Variants in KIAA2013 observed in about 807,000 individuals in gnomAD.
The protein encoded by KIAA2013 is KIAA2013, also known as uncharacterized protein KIAA2013.
In KIAA2013, 20 loss-of-function variants were observed where a neutral mutation model predicts 39.9. The ratio of observed to expected loss-of-function variants is 0.50; its 90% CI spans 0.35 to 0.73. The LOEUF (loss-of-function observed/expected upper bound fraction) is 0.73. Ranked by LOEUF, KIAA2013 falls within the 30% of genes least tolerant of loss-of-function variation. The pLI, the probability that KIAA2013 is intolerant of heterozygous loss-of-function variation, is 0.01. For synonymous variants in KIAA2013, 336 were observed against 416.6 expected (o/e 0.81, Z 2.35); for missense variants, 587 against 856.1 (o/e 0.69, Z 3.92).
At position 11,923,782 on chromosome 1, in the gene KIAA2013, C is replaced by CT. The variant is rs1303460294; in HGVS notation, c.1034-294dup. ...GGCACCAACCCTATGGTCAGACATC[C>CT]TGCGCCAGATCAGTCACCAGTGCTG... is the stretch of plus-strand genomic sequence containing the variant. On this transcript the variant is annotated intron_variant, in intron 1 of 2. Coordinates refer to ENST00000376572, the MANE Select transcript of KIAA2013 (RefSeq NM_138346.3). The surrounding 1 kb of genome is among the most constrained non-coding windows in gnomAD (Gnocchi z 4.6). Among the ~76,000 whole-genome samples the CT allele has an allele frequency of 2.6e-5, 4 of 152,200 alleles. No individual in the cohort carries two copies. The highest frequency in any genetic ancestry group is 2.6e-4 in the Admixed American group (4 of 15,274).
At position 11,922,489 on chromosome 1, in the gene KIAA2013, C is replaced by T. The variant is rs564931178; in HGVS notation, c.1887+147G>A. On this transcript the variant is annotated intron_variant, in intron 2 of 2. Coordinates refer to ENST00000376572, the MANE Select transcript of KIAA2013 (RefSeq NM_138346.3). ...GTCGTCTCCTCTCAAAACACTTGTG[C>T]GCGCTCTCTGGTGTCAAGGGCTGAG... The T allele has an allele frequency of 9.6e-5, 146 of 1,516,652 alleles. No individual in the cohort carries two copies. In the East Asian group the frequency reaches 2.4e-3, roughly 25 times the overall value. 93.9% of individuals were successfully genotyped at this position (1,516,652 alleles called of 1,614,324 possible).
rs1645465941 is a variant in KIAA2013 at position 11,920,111 on chromosome 1, C to T, written c.*204G>A. 1.5e-6 allele frequency: 1 copy of T among 645,914 alleles called. No homozygotes were observed. Among genetic ancestry groups the T allele is most frequent in the Non-Finnish European group, 2.8e-6 (1 of 358,634 alleles). The allele number at this position is 645,914 out of a possible 1,614,324, so 40.0% of individuals were successfully genotyped here. ...ATTGAGTGGAAAGCTTACAAAAGGTCCACTGGCCCCTTCCCTCCCCACGTG... is the reference window on the plus strand; with the variant it reads ...ATTGAGTGGAAAGCTTACAAAAGGTTCACTGGCCCCTTCCCTCCCCACGTG... On this transcript the variant is annotated 3_prime_UTR_variant, in exon 3 of 3. Transcript: ENST00000376572.
In KIAA2013 at chr1:11,925,393, T is replaced by G. The variant is rs764035994; in HGVS notation, c.845A>C (p.Asp282Ala). 1.2e-6 allele frequency: 2 copies of G among 1,613,852 alleles called. No homozygotes were observed. The highest frequency in any genetic ancestry group is 3.3e-5 in the Admixed American group (2 of 60,022). The change falls in exon 1 of 3, where the codon GAT becomes GCT. Residue 282 changes from aspartate (D) to alanine (A), a missense_variant. Asp to Ala is a moderately radical substitution (Grantham distance 126). Transcript: ENST00000376572. The surrounding 1 kb of genome is among the most constrained non-coding windows in gnomAD (Gnocchi z 5.2). ...GTGCACCACCCACAGCACCGTCTCA[T>G]CCAGCTGCGTCTTGGGAGCCACTTG... Reference protein sequence around the residue: ...RLQVAPKTQLDETVLWVVHVS... With the variant: ...RLQVAPKTQLAETVLWVVHVS...
At chr1:11,922,535 T>C (rs1301537283) in intron 2 of KIAA2013, 101 bp downstream of exon 2, 2 of 1,556,462 alleles carry the variant, frequency 1.3e-6, no homozygotes, top group Non-Finnish European at 1.7e-6. Context: ...CACCCATTCC[T>C]GCCCAGGCCT....
In KIAA2013 at chr1:11,922,921, C is replaced by G; in HGVS notation, c.1602G>C (p.Leu534=). 3 of 1,611,938 alleles carry G rather than the reference C, an allele frequency of 1.9e-6. No homozygotes were observed. Among genetic ancestry groups the G allele is most frequent in the Non-Finnish European group, 2.5e-6 (3 of 1,178,952 alleles). The change falls in exon 2 of 3, where the codon CTG becomes CTC. Residue 534 remains leucine, a synonymous_variant. Coordinates refer to ENST00000376572, the MANE Select transcript of KIAA2013 (RefSeq NM_138346.3). ...KAGCLDEPVE[L]TSAPTGHTFS... ...AGGTGTGGCCCGTGGGCGCCGAGGT[C>G]AGCTCCACTGGCTCGTCCAGGCAGC...
rs1260425393 is a variant in KIAA2013, at chr1:11,925,785, G to A, written c.453C>T (p.Arg151=). 3 of 1,544,690 alleles carry A rather than the reference G, an allele frequency of 1.9e-6. No homozygotes were observed. Among genetic ancestry groups the A allele is most frequent in the African/African-American group, 2.7e-5 (2 of 72,754 alleles). The change falls in exon 1 of 3, where the codon CGC becomes CGT. Residue 151 remains arginine (R), a synonymous_variant. Coordinates refer to ENST00000376572, the MANE Select transcript of KIAA2013 (RefSeq NM_138346.3). The surrounding 1 kb of genome is among the most constrained non-coding windows in gnomAD (Gnocchi z 5.2). The part of the protein sequence containing the change: ...VLLLREGLLR[R]VRCLQLGSPG... ...GGGACCCCAGCTGCAGGCAACGCAC[G>A]CGGCGCAGAAGCCCCTCCCGCAGCA...
rs778428242 is a variant in KIAA2013, at chr1:11,920,316, C to A, written c.1904G>T (p.Ter635LeuextTer3). 1.2e-6 allele frequency: 2 copies of A among 1,614,194 alleles called. No homozygotes were observed. Among genetic ancestry groups the A allele is most frequent in the South Asian group, 2.2e-5 (2 of 91,084 alleles). Residue 635 changes from the stop codon to leucine (L), a stop_lost, in exon 3 of 3, where the codon TGA becomes TTA. Coordinates refer to ENST00000376572, the MANE Select transcript of KIAA2013 (RefSeq NM_138346.3). The part of the protein sequence containing the change: ...LFRSKEDPSV[*>L] ...CTGAAAGCAGGACTGTTAGTTCACT[C>A]AGACACTGGGATCTTCCTGTTCAAT...
Position 11,921,380 on chromosome 1 carries a change from C to T in KIAA2013, c.1888-1048G>A, listed in dbSNP as rs558955606. ...GCTTCTGTCCTGTGTCCTATGCTAA[C>T]GAGATGGCCACTCTGGTCCGAGGCC... On this transcript the variant is annotated intron_variant, in intron 2 of 2. Coordinates refer to ENST00000376572, the MANE Select transcript of KIAA2013 (RefSeq NM_138346.3). Among the ~76,000 whole-genome samples the T allele has an allele frequency of 2.4e-4, 37 of 152,162 alleles. 1 individual carries two copies. The highest frequency in any genetic ancestry group is 7.2e-4 in the African/African-American group (30 of 41,504).
rs187952308 is a variant in KIAA2013, at chr1:11,920,133, C to T, written c.*182G>A. On this transcript the variant is annotated 3_prime_UTR_variant, in exon 3 of 3. Coordinates refer to ENST00000376572, the MANE Select transcript of KIAA2013 (RefSeq NM_138346.3). Reference sequence around the variant, plus strand: ...GGTCCACTGGCCCCTTCCCTCCCCACGTGACACTCATTCCTTCCAATGCAA... The same window carrying T: ...GGTCCACTGGCCCCTTCCCTCCCCATGTGACACTCATTCCTTCCAATGCAA... The T allele has an allele frequency of 5.2e-5, 37 of 708,862 alleles. No individual in the cohort carries two copies. The highest frequency in any genetic ancestry group is 4.7e-4 in the African/African-American group (27 of 57,748). The allele number at this position is 708,862 out of a possible 1,614,324, so 43.9% of individuals were successfully genotyped here. A position where few individuals can be genotyped will look rare whatever the true frequency, so the allele number is the denominator to read the frequency against.
intron 1 of KIAA2013, among the ~76,000 whole-genome samples, chr1:11,924,726 G>T (rs1645495607): frequency 6.6e-6 from 1 of 152,088 alleles, no homozygotes; most frequent in Non-Finnish European, 1.5e-5. Context: ...TGCTAAAAGG[G>T]ATTCTCCAAC....
intron 2 of KIAA2013, among the ~76,000 whole-genome samples, chr1:11,921,091 G>A (rs991079843): frequency 6.6e-6 from 1 of 152,092 alleles, no homozygotes; most frequent in Non-Finnish European, 1.5e-5. Flanking sequence ...ACGGGATACA[G>A]GAGGAGAGAA....
chr1:11,925,950 G>T lies in KIAA2013; in HGVS notation c.288C>A (p.Gly96=). 1.3e-6 allele frequency: 2 copies of T among 1,539,284 alleles called. No individual in the cohort carries two copies. The highest frequency in any genetic ancestry group is 8.7e-7 in the Non-Finnish European group (1 of 1,150,450). ...GPGVPALVAN[G]FLALDVAANR... ...TGGCAGCCACGTCCAGGGCCAGGAAGCCGTTGGCCACCAGGGCCGGCACTC... is the reference window on the plus strand; with the variant it reads ...TGGCAGCCACGTCCAGGGCCAGGAATCCGTTGGCCACCAGGGCCGGCACTC... Residue 96 remains glycine (G), a synonymous_variant, in exon 1 of 3, where the codon GGC becomes GGA. Coordinates refer to ENST00000376572, the MANE Select transcript of KIAA2013 (RefSeq NM_138346.3). This position sits in a 1 kb window ranked among gnomAD's most constrained non-coding sequence, Gnocchi z 5.2.
chr1:11,919,953 A>C lies in KIAA2013; in HGVS notation c.*362T>G, dbSNP rs1015547333. Reference sequence around the variant, plus strand: ...AAACTTCATTAAGAAAGAACACGTTAAATTAGGAAAAGGACACAACTTTTC... The same window carrying C: ...AAACTTCATTAAGAAAGAACACGTTCAATTAGGAAAAGGACACAACTTTTC... On this transcript the variant is annotated 3_prime_UTR_variant, in exon 3 of 3. Coordinates refer to ENST00000376572, the MANE Select transcript of KIAA2013 (RefSeq NM_138346.3). The C allele has an allele frequency of 3.2e-6, 1 of 308,476 alleles. No homozygotes were observed. The highest frequency in any genetic ancestry group is 2.2e-5 in the African/African-American group (1 of 45,728). 19.1% of individuals were successfully genotyped at this position (308,476 alleles called of 1,614,324 possible).
chr1:11,921,467 C>T (rs774047594), intron 2 of KIAA2013, among the ~76,000 whole-genome samples: 3 of 152,098 alleles, frequency 2.0e-5, no homozygotes, highest in Non-Finnish European at 4.4e-5. Flanking sequence ...CTGGGGATCC[C>T]GCCAGCAGTT....
intron 2 of KIAA2013, among the ~76,000 whole-genome samples, chr1:11,920,624 C>T (rs1055039949): frequency 2.6e-5 from 4 of 152,180 alleles, no homozygotes; most frequent in African/African-American, 4.8e-5. Context: ...CACTCAAGAG[C>T]GAGGGCAGAG....
chr1:11,920,467 C>A (rs1398156334), intron 2 of KIAA2013, 135 bp from the exon 3 acceptor site: 2 of 877,266 alleles, frequency 2.3e-6, no homozygotes, highest in East Asian at 4.9e-5. Context: ...TTACCACGGA[C>A]TCAGTGGCCT....
In KIAA2013 at chr1:11,926,350, G is replaced by C; in HGVS notation, c.-113C>G. On this transcript the variant is annotated 5_prime_UTR_variant, in exon 1 of 3. Coordinates refer to ENST00000376572, the MANE Select transcript of KIAA2013 (RefSeq NM_138346.3). Reference sequence around the variant, plus strand: ...CGGCCCGGACCGCGGCGCCCACCCCGGCCCCCGCCGCAACCGCCGCAGCAG... The same window carrying C: ...CGGCCCGGACCGCGGCGCCCACCCCCGCCCCCGCCGCAACCGCCGCAGCAG... The C allele has an allele frequency of 5.6e-6, 2 of 359,496 alleles. No homozygotes were observed. Among genetic ancestry groups the C allele is most frequent in the Non-Finnish European group, 7.7e-6 (2 of 258,090 alleles). 22.3% of individuals were successfully genotyped at this position (359,496 alleles called of 1,614,324 possible). A position where few individuals can be genotyped will look rare whatever the true frequency, so the allele number is the denominator to read the frequency against.
intron 2 of KIAA2013, 77 bp from the exon 3 acceptor site, chr1:11,920,409 G>C: frequency 6.8e-7 from 1 of 1,468,482 alleles, no homozygotes; most frequent in Non-Finnish European, 9.5e-7. Context: ...AGGCTACGGA[G>C]ACAACCCTAG....
intron 2 of KIAA2013, chr1:11,922,216 G>A: frequency 2.4e-6 from 1 of 411,212 alleles, no homozygotes; most frequent in East Asian, 4.7e-5. Flanking sequence ...TTGAGACAGG[G>A]TCTTGCTCTG....
Sources: allele counts gnomAD v4.1 joint callset (sites outside exome capture counted in the v4.1 genomes callset), GRCh38; gene constraint gnomAD v4.1.1; non-coding constraint Gnocchi (gnomAD v3.1); transcripts MANE v1.5; gene names NCBI Gene and HGNC (gene_info 2026-07-23, HGNC 2026-07-21).